The following PRMT3 variants were observed in gnomAD, a reference collection of about 807,000 sequenced individuals.
PRMT3 encodes protein arginine N-methyltransferase 3.
In PRMT3, 62 loss-of-function variants were observed where a neutral mutation model predicts 71.9. The ratio of observed to expected loss-of-function variants is 0.86; its 90% CI spans 0.70 to 1.07. The LOEUF is 1.07. PRMT3 is among the 50% of genes least tolerant of loss of function. The pLI, the probability that PRMT3 is intolerant of heterozygous loss-of-function variation, is 0.00. For synonymous variants in PRMT3, 213 were observed against 220.4 expected, an observed-to-expected ratio of 0.97 and a Z score of 0.30; for missense variants, 663 against 643.0, an observed-to-expected ratio of 1.03 and a Z score of -0.34.
At chr11:20,432,075 A>G (rs988403309) in intron 10 of PRMT3, among the ~76,000 whole-genome samples, 5 of 152,038 alleles carry the variant, frequency 3.3e-5, no homozygotes, top group Non-Finnish European at 7.4e-5. Flanking sequence ...CTTATAATCT[A>G]TATTTTTGTT....
intron 3 of PRMT3, 139 bp from the exon 4 acceptor site, chr11:20,392,072 T>C (rs1381587722): frequency 4.0e-6 from 3 of 742,656 alleles, no homozygotes; most frequent in Non-Finnish European, 6.3e-6. Context: ...CTTCTAATTC[T>C]TAATAAAATT....
At chr11:20,466,810 A>G (rs1272957902) in intron 13 of PRMT3, among the ~76,000 whole-genome samples, 1 of 152,230 alleles carries the variant, frequency 6.6e-6, no homozygotes, top group Admixed American at 6.5e-5. Flanking sequence ...ATTTAATTCA[A>G]AGATTGTAAT....
At position 20,508,785 on chromosome 11, in the gene PRMT3, T is replaced by C. The variant is rs928894048; in HGVS notation, c.*372T>C. On this transcript the variant is annotated 3_prime_UTR_variant, in exon 16 of 16. Coordinates refer to ENST00000331079, the MANE Select transcript of PRMT3 (RefSeq NM_005788.4). ...AAATTTTAAACAAATTGGTTAGTTA[T>C]TTGGATATTTTATTAAACTAGTAAC... 1 of 297,580 alleles carries C rather than the reference T, an allele frequency of 3.4e-6. No homozygotes were observed. The highest frequency in any genetic ancestry group is 6.8e-6 in the Non-Finnish European group (1 of 147,568). 18.4% of individuals were successfully genotyped at this position (297,580 alleles called of 1,614,324 possible). A position where few individuals can be genotyped will look rare whatever the true frequency, so the allele number is the denominator to read the frequency against.
intron 10 of PRMT3, among the ~76,000 whole-genome samples, chr11:20,447,658 C>T (rs897556431): frequency 6.6e-6 from 1 of 151,892 alleles, no homozygotes; most frequent in African/African-American, 2.4e-5. Context: ...ACTAATTCAC[C>T]AAATTTGTGA....
intron 9 of PRMT3, among the ~76,000 whole-genome samples, chr11:20,412,908 A>T (rs1849226166): frequency 6.6e-6 from 1 of 152,078 alleles, no homozygotes; most frequent in African/African-American, 2.4e-5. Context: ...GCTAGGATTG[A>T]GCCTGGGCAA....
chr11:20,434,737 C>T (rs1849725877), intron 10 of PRMT3, among the ~76,000 whole-genome samples: 1 of 152,040 alleles, frequency 6.6e-6, no homozygotes, highest in South Asian at 2.1e-4. Flanking sequence ...TTCCATTGGT[C>T]TATGTGTCTG....
At chr11:20,434,559 A>AT (rs1313764240) in intron 10 of PRMT3, among the ~76,000 whole-genome samples, 1 of 152,054 alleles carries the variant, frequency 6.6e-6, no homozygotes, top group Non-Finnish European at 1.5e-5. Flanking sequence ...AAGGGGTCTA[A>AT]TTTCAGTCTT....
chr11:20,395,925 G>T lies in PRMT3; in HGVS notation c.523G>T (p.Ala175Ser), dbSNP rs201611144. 5.0e-6 allele frequency: 8 copies of T among 1,613,766 alleles called. No individual in the cohort carries two copies. The highest frequency in any genetic ancestry group is 6.8e-6 in the Non-Finnish European group (8 of 1,179,956). The change falls in exon 6 of 16, where the codon GCA becomes TCA. Residue 175 changes from alanine to serine, a missense_variant. Transcript: ENST00000331079. Reference sequence around the variant, plus strand: ...AGCCAGGGCACTGTCTGCTGAAGCCGCATTGGCCAGAGCACGTGAGGATCT... The same window carrying T: ...AGCCAGGGCACTGTCTGCTGAAGCCTCATTGGCCAGAGCACGTGAGGATCT... ...MEARALSAEA[A>S]LARAREDLQK...
intron 2 of PRMT3, among the ~76,000 whole-genome samples, chr11:20,388,495 T>C (rs962124277): frequency 6.6e-6 from 1 of 152,226 alleles, no homozygotes; most frequent in Non-Finnish European, 1.5e-5. Context: ...TATTCTGTTT[T>C]TATGAGGACA....
intron 15 of PRMT3, among the ~76,000 whole-genome samples, chr11:20,507,744 C>T (rs1018080862): frequency 6.6e-6 from 1 of 151,760 alleles, no homozygotes; most frequent in African/African-American, 2.4e-5. Flanking sequence ...TGTACCACTG[C>T]ACTCTAGCCT....
intron 13 of PRMT3, among the ~76,000 whole-genome samples, chr11:20,480,117 A>G (rs1469609800): frequency 1.3e-5 from 2 of 152,182 alleles, no homozygotes; most frequent in Admixed American, 6.5e-5. Context: ...TTCGAGATCC[A>G]TCTGGTCATG....
intron 10 of PRMT3, among the ~76,000 whole-genome samples, chr11:20,434,907 A>G (rs1420689640): frequency 1.3e-5 from 2 of 152,174 alleles, no homozygotes; most frequent in Non-Finnish European, 2.9e-5. Flanking sequence ...AGTTTTTCCT[A>G]GTTCTGTGAA....
chr11:20,470,467 T>C (rs1850617166), intron 13 of PRMT3, among the ~76,000 whole-genome samples: 1 of 152,190 alleles, frequency 6.6e-6, no homozygotes, highest in South Asian at 2.1e-4. Flanking sequence ...CTCTCACTTA[T>C]AAGTGAGAAC....
Position 20,426,788 on chromosome 11 carries a change from A to G in PRMT3, c.916A>G (p.Ile306Val), listed in dbSNP as rs769666921. The change falls in exon 10 of 16, where the codon ATT becomes GTT. Residue 306 changes from isoleucine to valine, a missense_variant. Coordinates refer to ENST00000331079, the MANE Select transcript of PRMT3 (RefSeq NM_005788.4). The stretch of plus-strand genomic sequence containing the variant: ...CAGACTAAATAAACTTGAAGATACT[A>G]TTACACTAATTAAAGGAAAGATTGA... The part of the protein sequence containing the change: ...IIRLNKLEDT[I>V]TLIKGKIEEV... 1.1e-5 allele frequency: 17 copies of G among 1,513,564 alleles called. No homozygotes were observed. In the South Asian group the frequency reaches 1.8e-4, roughly 16 times the overall value. 93.8% of individuals were successfully genotyped at this position (1,513,564 alleles called of 1,614,324 possible).
At chr11:20,429,187 A>G (rs1415209217) in intron 10 of PRMT3, among the ~76,000 whole-genome samples, 1 of 152,000 alleles carries the variant, frequency 6.6e-6, no homozygotes, top group Non-Finnish European at 1.5e-5. Flanking sequence ...GGATTGGGGG[A>G]TGGGGATGGG....
intron 11 of PRMT3, among the ~76,000 whole-genome samples, chr11:20,456,842 G>A (rs1308196400): frequency 6.6e-6 from 1 of 152,086 alleles, no homozygotes; most frequent in African/African-American, 2.4e-5. Flanking sequence ...TACAGTTCAT[G>A]ACTATAATGT....
Position 20,416,258 on chromosome 11 carries a change from G to T in PRMT3, c.893+8226G>T, listed in dbSNP as rs187210951. Among the ~76,000 whole-genome samples the T allele has an allele frequency of 9.9e-5, 15 of 152,170 alleles. No individual in the cohort carries two copies. In the East Asian group the frequency reaches 2.1e-3, roughly 22 times the overall value. ...TTTTAAATAAAGAGGAAGAAGGGGTGGGGGGAAGATATGTTTGTCTTGGGA... is the reference window on the plus strand; with the variant it reads ...TTTTAAATAAAGAGGAAGAAGGGGTTGGGGGAAGATATGTTTGTCTTGGGA... On this transcript the variant is annotated intron_variant, in intron 9 of 15. Coordinates refer to ENST00000331079, the MANE Select transcript of PRMT3 (RefSeq NM_005788.4).
At chr11:20,392,467 C>T (rs564118054) in intron 4 of PRMT3, among the ~76,000 whole-genome samples, 16 of 152,236 alleles carry the variant, frequency 1.1e-4, no homozygotes, top group African/African-American at 3.9e-4. Context: ...GTTTTCACTG[C>T]ATCTAAGAGA....
In PRMT3 at chr11:20,392,770, T is replaced by C. The variant is rs1408160172; in HGVS notation, c.298-127T>C. The C allele has an allele frequency of 4.9e-6, 3 of 615,258 alleles. No homozygotes were observed. The African/African-American group carries it at 5.6e-5, about 11-fold the overall frequency. The allele number at this position is 615,258 out of a possible 1,614,324, so 38.1% of individuals were successfully genotyped here. Reference sequence around the variant, plus strand: ...AATGAAATGACAGGCACGTAGACTTTTTGGAGACATACTGACTTTGTGTAA... The same window carrying C: ...AATGAAATGACAGGCACGTAGACTTCTTGGAGACATACTGACTTTGTGTAA... On this transcript the variant is annotated intron_variant, in intron 4 of 15. Coordinates refer to ENST00000331079, the MANE Select transcript of PRMT3 (RefSeq NM_005788.4).
Sources: allele counts gnomAD v4.1 joint callset (sites outside exome capture counted in the v4.1 genomes callset), GRCh38; gene constraint gnomAD v4.1.1; transcripts MANE v1.5; gene names NCBI Gene and HGNC (gene_info 2026-07-23, HGNC 2026-07-21).